The following SRRT variants were observed in gnomAD, a reference collection of about 807,000 sequenced individuals.
The protein encoded by SRRT is serrate RNA effector molecule homolog.
A neutral mutation model predicts 103.2 loss-of-function variants in SRRT; 32 were observed. The observed-to-expected ratio is 0.31, with a 90% confidence interval of 0.23 to 0.42. The LOEUF (loss-of-function observed/expected upper bound fraction) is 0.42. SRRT is among the 10% of genes least tolerant of loss of function. SRRT has a pLI of 1.00. For synonymous variants in SRRT, 525 were observed against 449.0 expected, an observed-to-expected ratio of 1.17 and a Z score of -2.14; for missense variants, 986 against 1,207.5, an observed-to-expected ratio of 0.82 and a Z score of 2.72.
Position 100,881,326 on chromosome 7 carries a change from A to T in SRRT, c.164A>T (p.Tyr55Phe). The change falls in exon 3 of 20, where the codon TAT becomes TTT. Residue 55 changes from tyrosine to phenylalanine, a missense_variant. Tyr to Phe is a conservative substitution (Grantham distance 22). Around this residue, in one of 6 missense-constraint regions of SRRT, gnomAD observed 274 missense variants for 358.5 expected, o/e 0.76. Coordinates refer to ENST00000611405, the MANE Select transcript of SRRT (RefSeq NM_015908.6). ...RGRERRSRGE[Y>F]RDYDRNRRER... ...CGTGAGCGCCGTAGTCGGGGTGAAT[A>T]TCGGGACTATGACCGGAATCGGCGA... The T allele has an allele frequency of 6.2e-7, 1 of 1,613,710 alleles. No homozygotes were observed. The highest frequency in any genetic ancestry group is 8.5e-7 in the Non-Finnish European group (1 of 1,179,822).
In SRRT at chr7:100,885,591, G is replaced by T; in HGVS notation, c.1318-110G>T. The T allele has an allele frequency of 7.9e-7, 1 of 1,265,402 alleles. No individual in the cohort carries two copies. Among genetic ancestry groups the T allele is most frequent in the Non-Finnish European group, 1.1e-6 (1 of 891,358 alleles). The allele number at this position is 1,265,402 out of a possible 1,614,324, so 78.4% of individuals were successfully genotyped here. On this transcript the variant is annotated intron_variant, in intron 10 of 19. Coordinates refer to ENST00000611405, the MANE Select transcript of SRRT (RefSeq NM_015908.6). This position sits in a 1 kb window ranked among gnomAD's most constrained non-coding sequence, Gnocchi z 4.8. ...GTGGTTTTTCCCTGCCCAAGGATGG[G>T]AAGAGTGATAAGGCAGTTAGTCCCT...
At chr7:100,886,668 G>T in intron 13 of SRRT, 127 bp from the exon 14 acceptor site, 1 of 1,137,056 alleles carries the variant, frequency 8.8e-7, no homozygotes, top group South Asian at 1.4e-5. Context: ...AAATCTCAAG[G>T]GGGCAAAAGG....
Position 100,888,495 on chromosome 7 carries a change from G to A in SRRT, c.2577G>A (p.Arg859=). The A allele has an allele frequency of 6.2e-7, 1 of 1,614,156 alleles. No homozygotes were observed. The highest frequency in any genetic ancestry group is 8.5e-7 in the Non-Finnish European group (1 of 1,180,026). ...ACAGGATGGTTCGTGGAGACCCAAGGGCCATTGTGGAATATCGGGACCTGG... is the reference window on the plus strand; with the variant it reads ...ACAGGATGGTTCGTGGAGACCCAAGAGCCATTGTGGAATATCGGGACCTGG... ...PRNRMVRGDP[R]AIVEYRDLDA... Residue 859 remains arginine, a synonymous_variant, in exon 20 of 20, where the codon AGG becomes AGA. Coordinates refer to ENST00000611405, the MANE Select transcript of SRRT (RefSeq NM_015908.6).
intron 6 of SRRT, 60 bp downstream of exon 6, chr7:100,884,299 G>GA: frequency 6.2e-7 from 1 of 1,611,480 alleles, no homozygotes; most frequent in Non-Finnish European, 8.5e-7. Flanking sequence ...GGTGTCTGGG[G>GA]ATCAGGTAGA....
rs11981707 is a variant in SRRT at position 100,879,612 on chromosome 7, C to T, written c.123-1673C>T. 6.4e-3 allele frequency among the ~76,000 whole-genome samples: 974 copies of T among 152,158 alleles called. 6 individuals carry two copies. The highest frequency in any genetic ancestry group is 0.022 in the African/African-American group (902 of 41,510). On this transcript the variant is annotated intron_variant, in intron 2 of 19. Transcript: ENST00000611405. ...TAAAAATGAAGGTTTTGGAACATTT[C>T]GTTTTAATTTTGAATATAGTAAGTA...
chr7:100,887,675 T>G lies in SRRT; in HGVS notation c.2170-28T>G. The stretch of plus-strand genomic sequence containing the variant: ...GAGCGAGGCAACCCTTATGTGGCTG[T>G]CCTGACCCCTCTCCTCTCTCCACCC... On this transcript the variant is annotated intron_variant, in intron 16 of 19. Transcript: ENST00000611405. This position sits in a 1 kb window ranked among gnomAD's most constrained non-coding sequence, Gnocchi z 4.1. 4.4e-6 allele frequency: 7 copies of G among 1,598,838 alleles called. No individual in the cohort carries two copies. The highest frequency in any genetic ancestry group is 6.0e-6 in the Non-Finnish European group (7 of 1,168,182).
intron 7 of SRRT, 44 bp downstream of exon 7, chr7:100,884,596 G>A (rs780955235): frequency 8.1e-7 from 1 of 1,237,636 alleles, no homozygotes; most frequent in South Asian, 1.2e-5. Flanking sequence ...GCAGCCTGGG[G>A]GAGGGGGGCG....
intron 4 of SRRT, 37 bp downstream of exon 4, chr7:100,881,842 C>T (rs749178630): frequency 1.9e-6 from 3 of 1,559,522 alleles, no homozygotes; most frequent in Non-Finnish European, 2.6e-6. Flanking sequence ...GTTGGTAGGC[C>T]TGGGGGATGG....
At chr7:100,875,961 C>T (rs1298019433) in intron 2 of SRRT, 5 of 435,450 alleles carry the variant, frequency 1.1e-5, no homozygotes, top group Non-Finnish European at 2.1e-5. Flanking sequence ...TTTATACATG[C>T]ACGAAAAGCG....
chr7:100,887,228 G>A lies in SRRT; in HGVS notation c.1975+28G>A, dbSNP rs371059327. 83 of 1,613,486 alleles carry A rather than the reference G, an allele frequency of 5.1e-5. No individual in the cohort carries two copies. Among genetic ancestry groups the A allele is most frequent in the Non-Finnish European group, 6.4e-5 (76 of 1,179,658 alleles). Reference sequence around the variant, plus strand: ...GAGCTCCAGGTTCCCCTTTGTTCCCGGCTGCCCCTGGCCTTGGTCCTCCAG... The same window carrying A: ...GAGCTCCAGGTTCCCCTTTGTTCCCAGCTGCCCCTGGCCTTGGTCCTCCAG... On this transcript the variant is annotated intron_variant, in intron 15 of 19. Coordinates refer to ENST00000611405, the MANE Select transcript of SRRT (RefSeq NM_015908.6). The surrounding 1 kb of genome is among the most constrained non-coding windows in gnomAD (Gnocchi z 4.1).
In SRRT at chr7:100,882,588, C is replaced by T. The variant is rs1345924803; in HGVS notation, c.587+347C>T. 9.8e-6 allele frequency: 2 copies of T among 204,036 alleles called. No individual in the cohort carries two copies. The highest frequency in any genetic ancestry group is 2.3e-5 in the African/African-American group (1 of 43,296). The allele number at this position is 204,036 out of a possible 1,614,324, so 12.6% of individuals were successfully genotyped here. A position where few individuals can be genotyped will look rare whatever the true frequency, so the allele number is the denominator to read the frequency against. On this transcript the variant is annotated intron_variant, in intron 5 of 19. Transcript: ENST00000611405. The surrounding 1 kb of genome is among the most constrained non-coding windows in gnomAD (Gnocchi z 4.2). The stretch of plus-strand genomic sequence containing the variant: ...CCAGGACCCTGTGTGGCTGTGGCGT[C>T]CTCCTAAAGCGACGAGTGAATCCAG...
intron 14 of SRRT, 32 bp downstream of exon 14, chr7:100,887,000 T>G: frequency 6.2e-7 from 1 of 1,610,414 alleles, no homozygotes; most frequent in Non-Finnish European, 8.5e-7. Context: ...ACGTGGGGGC[T>G]CGGGCGGTGA....
chr7:100,875,833 C>T, intron 2 of SRRT, 121 bp downstream of exon 2: 1 of 1,305,354 alleles, frequency 7.7e-7, no homozygotes, highest in Non-Finnish European at 1.1e-6. Flanking sequence ...GCTCATTGGA[C>T]CGTTTTCTGT....
intron 2 of SRRT, 160 bp downstream of exon 2, chr7:100,875,872 A>G: frequency 1.2e-6 from 1 of 837,016 alleles, no homozygotes; most frequent in Non-Finnish European, 1.8e-6. Flanking sequence ...TTGGCCAAAT[A>G]ACTAGCTGTG....
intron 3 of SRRT, 27 bp downstream of exon 3, chr7:100,881,440 C>T (rs745995661): frequency 1.0e-5 from 16 of 1,604,458 alleles, no homozygotes; most frequent in East Asian, 2.2e-5. Context: ...TCCCTCTCCT[C>T]CCCTTTGCCT....
At position 100,888,258 on chromosome 7, in the gene SRRT, TG is replaced by T. The variant is rs1362873275; in HGVS notation, c.2432del (p.Gly811ValfsTer?). 1 of 1,607,622 alleles carries T rather than the reference TG, an allele frequency of 6.2e-7. No homozygotes were observed. The highest frequency in any genetic ancestry group is 1.1e-5 in the South Asian group (1 of 90,804). On this transcript the variant is annotated frameshift_variant and splice_region_variant, in exon 19 of 20. Transcript: ENST00000611405. LOFTEE classifies it high-confidence loss of function. The part of the protein sequence containing the change: ...PRPPILGYGA[G>X]AVRPAVPTGG... ...ACTCAACACTGATCTCTGTCATAGC[TG>T]GTGCTGTCCGCCCTGCAGTCCCCAC... is the stretch of plus-strand genomic sequence containing the variant.
At chr7:100,884,003 C>T (rs1789825282) in intron 5 of SRRT, 67 bp from the exon 6 acceptor site, 1 of 1,506,608 alleles carries the variant, frequency 6.6e-7, no homozygotes, top group Non-Finnish European at 8.9e-7. Context: ...TTCCTGGGCC[C>T]CTTCCCACAT....
chr7:100,875,732 A>T lies in SRRT; in HGVS notation c.122+20A>T. 1 of 1,612,490 alleles carries T rather than the reference A, an allele frequency of 6.2e-7. No individual in the cohort carries two copies. Among genetic ancestry groups the T allele is most frequent in the South Asian group, 1.1e-5 (1 of 91,034 alleles). On this transcript the variant is annotated intron_variant, in intron 2 of 19. Transcript: ENST00000611405. ...TGACAGGTGAGCCGTTTTTAACTTC[A>T]TCTTGTCCCCGTTTCATGCCGTTTC...
Position 100,881,363 on chromosome 7 carries a change from G to C in SRRT, c.201G>C (p.Ser67=). The change falls in exon 3 of 20, where the codon TCG becomes TCC. Residue 67 remains serine, a synonymous_variant. Transcript: ENST00000611405. ...ACCGGAATCGGCGAGAGCGCTTCTC[G>C]CCACCTCGCCACGAACTCAGCCCGC... ...DYDRNRRERF[S]PPRHELSPPQ... The C allele has an allele frequency of 6.2e-7, 1 of 1,612,854 alleles. No homozygotes were observed. Among genetic ancestry groups the C allele is most frequent in the Non-Finnish European group, 8.5e-7 (1 of 1,179,762 alleles).
Sources: allele counts gnomAD v4.1 joint callset (sites outside exome capture counted in the v4.1 genomes callset), GRCh38; gene constraint gnomAD v4.1.1; regional missense constraint gnomAD v4.1.1; non-coding constraint Gnocchi (gnomAD v3.1); transcripts MANE v1.5; gene names NCBI Gene and HGNC (gene_info 2026-07-23, HGNC 2026-07-21).